The following TANC1 variants were observed in gnomAD, a reference collection of about 807,000 sequenced individuals.
The protein encoded by TANC1 is protein TANC1.
TANC1 carries 77 observed loss-of-function variants against 149.7 expected under a neutral mutation model. The observed-to-expected ratio is 0.51, with a 90% CI of 0.43 to 0.62. The LOEUF (loss-of-function observed/expected upper bound fraction) is 0.62, where lower values mean the gene tolerates loss of function less well. Among genes scored for constraint, TANC1 ranks in the 20% least tolerant of loss-of-function variants. TANC1 has a pLI of 0.00. For synonymous variants in TANC1, 854 were observed against 925.0 expected (o/e 0.92, Z 1.39); for missense variants, 1,985 against 2,321.8 (o/e 0.85, Z 2.98).
At chr2:159,060,739 A>G (rs1003370115) in intron 2 of TANC1, among the ~76,000 whole-genome samples, 1 of 152,176 alleles carries the variant, frequency 6.6e-6, no homozygotes, top group African/African-American at 2.4e-5. Flanking sequence ...AAATTGTGTA[A>G]ATAGGCAGTA....
intron 2 of TANC1, among the ~76,000 whole-genome samples, chr2:159,022,783 T>C (rs1337060972): frequency 6.6e-6 from 1 of 152,148 alleles, no homozygotes; most frequent in East Asian, 1.9e-4. Context: ...CTGGAGAAGC[T>C]GGCATTCCTG....
intron 5 of TANC1, among the ~76,000 whole-genome samples, chr2:159,143,925 A>T (rs2051753080): frequency 6.6e-6 from 1 of 151,958 alleles, no homozygotes; most frequent in African/African-American, 2.4e-5. Context: ...GAAGTTTTAT[A>T]ACATTAAAAT....
intron 4 of TANC1, among the ~76,000 whole-genome samples, chr2:159,122,905 C>G (rs2049008303): frequency 6.6e-6 from 1 of 151,992 alleles, no homozygotes; most frequent in Non-Finnish European, 1.5e-5. Context: ...TTTAGCCATC[C>G]TAAAAGGTGT....
chr2:158,994,055 A>G (rs2149292275), intron 1 of TANC1, among the ~76,000 whole-genome samples: 1 of 152,304 alleles, frequency 6.6e-6, no homozygotes. Context: ...TGCACTACAC[A>G]TATCTGATTT....
chr2:159,047,859 A>G (rs2041191302), intron 2 of TANC1, among the ~76,000 whole-genome samples: 1 of 152,344 alleles, frequency 6.6e-6, no homozygotes, highest in Admixed American at 6.5e-5. Context: ...ACTTCACACC[A>G]CTAACATTTA....
At chr2:159,189,056 T>A (rs1374389796) in intron 16 of TANC1, among the ~76,000 whole-genome samples, 2 of 152,236 alleles carry the variant, frequency 1.3e-5, no homozygotes, top group African/African-American at 4.8e-5. Context: ...CTCTGAGCCT[T>A]GGCTTTCTCA....
chr2:159,111,813 G>C (rs139060803), intron 4 of TANC1, among the ~76,000 whole-genome samples: 40 of 152,312 alleles, frequency 2.6e-4, no homozygotes, highest in Non-Finnish European at 4.7e-4. Flanking sequence ...TATTATGGAG[G>C]CTTCTATCTT....
intron 4 of TANC1, among the ~76,000 whole-genome samples, chr2:159,127,903 T>C (rs997576844): frequency 6.6e-6 from 1 of 152,248 alleles, no homozygotes; most frequent in Non-Finnish European, 1.5e-5. Flanking sequence ...CAGTTTGATA[T>C]ACTGTTTTCC....
intron 3 of TANC1, among the ~76,000 whole-genome samples, chr2:159,072,612 T>G (rs1361199081): frequency 6.6e-6 from 1 of 152,196 alleles, no homozygotes; most frequent in Non-Finnish European, 1.5e-5. Context: ...TGTGATACCT[T>G]AAAGAACTAA....
chr2:159,202,331 A>T (rs1575228383), intron 19 of TANC1, among the ~76,000 whole-genome samples: 2 of 152,254 alleles, frequency 1.3e-5, no homozygotes, highest in East Asian at 1.9e-4. Context: ...ATAGAATTTT[A>T]AGACGTTCAT....
chr2:159,006,767 T>C lies in TANC1; in HGVS notation c.-16+5578T>C, dbSNP rs540337726. ...TTGGAGTTATATGTAGATGAGATAT[T>C]GACAGAAAGTTATATTGTTAGACAG... On this transcript the variant is annotated intron_variant, in intron 2 of 26. Coordinates refer to ENST00000263635, the MANE Select transcript of TANC1 (RefSeq NM_033394.3). Among the ~76,000 whole-genome samples, 33 of 152,314 alleles carry C rather than the reference T, an allele frequency of 2.2e-4. No homozygotes were observed. In the South Asian group the frequency reaches 6.8e-3, roughly 32 times the overall value.
At chr2:158,998,156 T>A (rs934778620) in intron 1 of TANC1, among the ~76,000 whole-genome samples, 1 of 151,760 alleles carries the variant, frequency 6.6e-6, no homozygotes, top group Non-Finnish European at 1.5e-5. Flanking sequence ...TCCAGCTACT[T>A]GGGAGGCTGA....
chr2:159,162,851 C>T (rs1476690811), intron 7 of TANC1, among the ~76,000 whole-genome samples: 1 of 152,086 alleles, frequency 6.6e-6, no homozygotes, highest in Non-Finnish European at 1.5e-5. Context: ...ATTAACCATT[C>T]TGTTGTTTGT....
At position 159,070,264 on chromosome 2, in the gene TANC1, CTT is replaced by C. The variant is rs35153581; in HGVS notation, c.61+4304_61+4305del. On this transcript the variant is annotated intron_variant, in intron 3 of 26. Transcript: ENST00000263635. ...TGAAATCCCCAATTTTTAAAGAAGA[CTT>C]TTTTTTTTTTGAGTGGTTTTAGGTT... 6.8e-5 allele frequency among the ~76,000 whole-genome samples: 10 copies of C among 146,132 alleles called. No homozygotes were observed. The South Asian group carries it at 1.5e-3, about 22-fold the overall frequency.
intron 20 of TANC1, among the ~76,000 whole-genome samples, chr2:159,218,885 G>A (rs968169988): frequency 5.3e-5 from 8 of 152,132 alleles, no homozygotes; most frequent in South Asian, 2.1e-4. Context: ...CCCCATGACC[G>A]CTGCTCGCCC....
rs563817293 is a variant in TANC1 at position 159,199,870 on chromosome 2, T to C, written c.3244+817T>C. On this transcript the variant is annotated intron_variant, in intron 19 of 26. Coordinates refer to ENST00000263635, the MANE Select transcript of TANC1 (RefSeq NM_033394.3). ...GCCAAATGGTGGTGTGAAGAGCTTA[T>C]TAGATAGCTCACCCTAGGGGAAAGC... 9.3e-4 allele frequency among the ~76,000 whole-genome samples: 141 copies of C among 152,350 alleles called. 1 individual carries two copies. Among genetic ancestry groups the C allele is most frequent in the African/African-American group, 3.1e-3 (129 of 41,578 alleles).
At chr2:159,045,181 G>C (rs77267731) in intron 2 of TANC1, among the ~76,000 whole-genome samples, 1 of 152,102 alleles carries the variant, frequency 6.6e-6, no homozygotes, top group Non-Finnish European at 1.5e-5. Context: ...CATATGGGCC[G>C]GGCGCAGTGG....
At chr2:158,991,056 C>T (rs1352242360) in intron 1 of TANC1, among the ~76,000 whole-genome samples, 2 of 135,442 alleles carry the variant, frequency 1.5e-5, no homozygotes, top group Non-Finnish European at 3.1e-5. Flanking sequence ...TGCGCCACTG[C>T]ACTCCAACCT....
intron 8 of TANC1, 78 bp downstream of exon 8, chr2:159,163,624 G>A (rs2054277241): frequency 1.3e-6 from 2 of 1,515,724 alleles, no homozygotes; most frequent in Non-Finnish European, 1.8e-6. Flanking sequence ...CACATGGGAA[G>A]ACACTCCAGA....
Sources: allele counts gnomAD v4.1 joint callset (sites outside exome capture counted in the v4.1 genomes callset), GRCh38; gene constraint gnomAD v4.1.1; transcripts MANE v1.5; gene names NCBI Gene and HGNC (gene_info 2026-07-23, HGNC 2026-07-21).